Variants in MAPKAPK3 observed in about 807,000 individuals in gnomAD.
MAPKAPK3 encodes MAP kinase-activated protein kinase 3.
In MAPKAPK3, 35 loss-of-function variants were observed where a neutral mutation model predicts 49.2. That is an observed-to-expected ratio of 0.71 (90% CI 0.54 to 0.94). The LOEUF (loss-of-function observed/expected upper bound fraction) is 0.94, where lower values mean the gene tolerates loss of function less well. Among genes scored for constraint, MAPKAPK3 ranks in the 40% least tolerant of loss-of-function variants. The pLI, the probability that MAPKAPK3 is intolerant of heterozygous loss-of-function variation, is 0.00. For missense variants in MAPKAPK3, 398 were observed against 493.1 expected, an observed-to-expected ratio of 0.81 and a Z score of 1.83; for synonymous variants, 178 against 188.7, an observed-to-expected ratio of 0.94 and a Z score of 0.46.
intron 2 of MAPKAPK3, 39 bp downstream of exon 2, chr3:50,617,823 G>A: frequency 6.6e-7 from 1 of 1,518,128 alleles, no homozygotes; most frequent in Non-Finnish European, 9.1e-7. Flanking sequence ...TATCCTGGAG[G>A]GTCCACAGCG....
At chr3:50,623,374 G>T (rs2032656472) in intron 2 of MAPKAPK3, among the ~76,000 whole-genome samples, 1 of 152,214 alleles carries the variant, frequency 6.6e-6, no homozygotes, top group Admixed American at 6.5e-5. Flanking sequence ...GGCAGAGGTT[G>T]ATTGTTCTGA....
Position 50,644,439 on chromosome 3 carries a change from A to G in MAPKAPK3, c.535A>G (p.Lys179Glu), listed in dbSNP as rs2107600265. ...AAACCTACTCTACACATCTAAGGAG[A>G]AAGACGCAGTGCTTAAGCTCACCGA... ...PENLLYTSKE[K>E]DAVLKLTDFG... is the part of the protein sequence containing the mutation. Residue 179 changes from lysine to glutamate, a missense_variant, in exon 6 of 11, where the codon AAA becomes GAA. By Grantham distance (56) the Lys-to-Glu change is moderately conservative (BLOSUM62 1). Transcript: ENST00000621469. 1.2e-6 allele frequency: 2 copies of G among 1,614,148 alleles called. No homozygotes were observed. Among genetic ancestry groups the G allele is most frequent in the South Asian group, 2.2e-5 (2 of 91,080 alleles).
Position 50,617,709 on chromosome 3 carries a change from G to C in MAPKAPK3, c.144G>C (p.Gln48His). 6.2e-7 allele frequency: 1 copy of C among 1,613,694 alleles called. No individual in the cohort carries two copies. The highest frequency in any genetic ancestry group is 8.5e-7 in the Non-Finnish European group (1 of 1,180,006). Residue 48 changes from glutamine to histidine, a missense_variant, in exon 2 of 11, where the codon CAG (glutamine) becomes CAC (histidine). Gln to His is a conservative substitution (Grantham distance 24). Coordinates refer to ENST00000621469, the MANE Select transcript of MAPKAPK3 (RefSeq NM_001243925.2). Reference sequence around the variant, plus strand: ...CCGACGACTACCAGTTGTCCAAGCAGGTGCTGGGCCTGGGTGTGAACGGCA... The same window carrying C: ...CCGACGACTACCAGTTGTCCAAGCACGTGCTGGGCCTGGGTGTGAACGGCA... ...AVTDDYQLSKQVLGLGVNGKV... is the reference protein window; with the variant it reads ...AVTDDYQLSKHVLGLGVNGKV...
chr3:50,646,302 C>T, intron 8 of MAPKAPK3, 38 bp downstream of exon 8: 1 of 1,610,776 alleles, frequency 6.2e-7, no homozygotes, highest in East Asian at 2.2e-5. Context: ...ACTCACCTGG[C>T]CCCTGCGGCT....
intron 2 of MAPKAPK3, 32 bp downstream of exon 2, chr3:50,617,816 C>A (rs781002635): frequency 1.9e-6 from 3 of 1,551,222 alleles, no homozygotes; most frequent in African/African-American, 2.7e-5. Context: ...CCTGGGGTAT[C>A]CTGGAGGGTC....
intron 2 of MAPKAPK3, among the ~76,000 whole-genome samples, chr3:50,629,920 T>C (rs1398813014): frequency 6.6e-6 from 1 of 152,202 alleles, no homozygotes; most frequent in Non-Finnish European, 1.5e-5. Flanking sequence ...GGCTATCCTG[T>C]CCCAGAGCTT....
In MAPKAPK3 at chr3:50,647,215, C is replaced by A; in HGVS notation, c.996+12C>A. Reference sequence around the variant, plus strand: ...GGGACGAAGTCAAGGTGGGTGGGCTCTGCCTCAGTCTCAATACAGGTGCCA... The same window carrying A: ...GGGACGAAGTCAAGGTGGGTGGGCTATGCCTCAGTCTCAATACAGGTGCCA... On this transcript the variant is annotated intron_variant, in intron 10 of 10. Coordinates refer to ENST00000621469, the MANE Select transcript of MAPKAPK3 (RefSeq NM_001243925.2). The A allele has an allele frequency of 6.4e-7, 1 of 1,571,874 alleles. No individual in the cohort carries two copies. The highest frequency in any genetic ancestry group is 2.3e-5 in the East Asian group (1 of 42,782).
chr3:50,637,368 G>A (rs1222899190), intron 2 of MAPKAPK3, among the ~76,000 whole-genome samples: 3 of 151,362 alleles, frequency 2.0e-5, no homozygotes, highest in East Asian at 1.9e-4. Flanking sequence ...GGGAGGGGCC[G>A]GGCGTGGTGG....
At chr3:50,641,794 G>A (rs778148724) in intron 4 of MAPKAPK3, 23 bp downstream of exon 4, 1 of 1,609,442 alleles carries the variant, frequency 6.2e-7, no homozygotes, top group South Asian at 1.1e-5. Context: ...AGCTGGACCA[G>A]CAGGAGGATT....
At chr3:50,627,500 G>C (rs930166879) in intron 2 of MAPKAPK3, among the ~76,000 whole-genome samples, 4 of 152,214 alleles carry the variant, frequency 2.6e-5, no homozygotes, top group Admixed American at 2.0e-4. Context: ...TGAGGGTTAT[G>C]ACTCAGGTTT....
In MAPKAPK3 at chr3:50,646,819, G is replaced by A. The variant is rs763562128; in HGVS notation, c.909G>A (p.Trp303Ter). Residue 303 changes from tryptophan to a stop codon, truncating the protein, a stop_gained, in exon 9 of 11, where the codon TGG becomes TGA. Coordinates refer to ENST00000621469, the MANE Select transcript of MAPKAPK3 (RefSeq NM_001243925.2). LOFTEE classifies it high-confidence loss of function. ...TCACTCAGTTCATGAACCACCCCTGGATCAACGTGAGCCCCTCCTCCTCCC... is the reference window on the plus strand; with the variant it reads ...TCACTCAGTTCATGAACCACCCCTGAATCAACGTGAGCCCCTCCTCCTCCC... Reference protein sequence around the residue: ...LTITQFMNHPWINQSMVVPQT... With the variant: ...LTITQFMNHP The A allele has an allele frequency of 1.2e-6, 2 of 1,613,850 alleles. No individual in the cohort carries two copies.
At position 50,632,683 on chromosome 3, in the gene MAPKAPK3, C is replaced by T. The variant is rs113004370; in HGVS notation, c.220-7683C>T. ...GGAGAGATAAGTCAGCTCTCTTACC[C>T]CGGAAACAGTGGGTGTTCTGGCAGA... On this transcript the variant is annotated intron_variant, in intron 2 of 10. Transcript: ENST00000621469. 4.6e-5 allele frequency among the ~76,000 whole-genome samples: 7 copies of T among 152,346 alleles called. 2 individuals are homozygous for T. The highest frequency in any genetic ancestry group is 1.7e-4 in the African/African-American group (7 of 41,566).
At chr3:50,647,491 T>G (rs1298251921) in intron 10 of MAPKAPK3, among the ~76,000 whole-genome samples, 2 of 152,216 alleles carry the variant, frequency 1.3e-5, no homozygotes, top group Admixed American at 1.3e-4. Flanking sequence ...GTGGTCAGCC[T>G]GGTTTAGACC....
At chr3:50,641,268 C>T (rs555297469) in intron 3 of MAPKAPK3, among the ~76,000 whole-genome samples, 1 of 152,278 alleles carries the variant, frequency 6.6e-6, no homozygotes, top group Admixed American at 6.5e-5. Flanking sequence ...GGTGAAAGAA[C>T]CAGCCCAGGA....
intron 2 of MAPKAPK3, among the ~76,000 whole-genome samples, chr3:50,625,468 TGGGAACC>T (rs1367650616): frequency 6.6e-6 from 1 of 152,180 alleles, no homozygotes; most frequent in East Asian, 1.9e-4. Flanking sequence ...TCCTGCTGTG[TGGGAACC>T]GTGGAGGTTT....
chr3:50,633,337 C>T (rs1250395167), intron 2 of MAPKAPK3, among the ~76,000 whole-genome samples: 1 of 151,950 alleles, frequency 6.6e-6, no homozygotes, highest in Admixed American at 6.6e-5. Context: ...CATATGCCCA[C>T]GGGCCCACAC....
At chr3:50,634,564 C>A (rs1321160687) in intron 2 of MAPKAPK3, among the ~76,000 whole-genome samples, 1 of 151,860 alleles carries the variant, frequency 6.6e-6, no homozygotes, top group African/African-American at 2.4e-5. Context: ...TCTCGGCTCA[C>A]TGCAACCTCC....
intron 3 of MAPKAPK3, among the ~76,000 whole-genome samples, chr3:50,640,846 G>A (rs1328374364): frequency 2.0e-5 from 3 of 152,210 alleles, no homozygotes; most frequent in African/African-American, 7.2e-5. Context: ...CAGGACCCAC[G>A]CAGTTCCCTC....
chr3:50,617,350 C>T (rs893676261), intron 1 of MAPKAPK3, 109 bp downstream of exon 1: 19 of 492,480 alleles, frequency 3.9e-5, no homozygotes, highest in Non-Finnish European at 5.5e-5. Context: ...TCGCTTGTAC[C>T]CCGCCGCGCG....
Sources: gnomAD v4.1 joint callset for allele counts (sites outside exome capture counted in the v4.1 genomes callset) on GRCh38, gnomAD v4.1.1 for gene constraint, MANE v1.5 for transcripts, NCBI Gene and HGNC (gene_info 2026-07-23, HGNC 2026-07-21) for gene names.